SPRR2G: variants seen among roughly 807,000 people sequenced by gnomAD.
The protein encoded by SPRR2G is small proline-rich protein 2G.
SPRR2G carries 1 observed loss-of-function variant against 0.7 expected under a neutral mutation model. The ratio of observed to expected loss-of-function variants is 1.49; its 90% CI spans 0.53 to 7.06. SPRR2G has a LOEUF of 7.06. SPRR2G is among the 30% of genes most tolerant of loss of function. SPRR2G has a pLI of 0.14. For synonymous variants in SPRR2G, 38 were observed against 33.9 expected (o/e 1.12, Z -0.42); for missense variants, 96 against 88.5 (o/e 1.09, Z -0.34).
chr1:153,177,173 C>A, the SPRR2G span, among the ~76,000 whole-genome samples: 1 of 152,104 alleles, frequency 6.6e-6, no homozygotes, highest in Admixed American at 6.6e-5. Flanking sequence ...CAAATTCCTG[C>A]TTTTTTAATA....
chr1:153,188,906 T>C, the SPRR2G span, among the ~76,000 whole-genome samples: 3 of 152,304 alleles, frequency 2.0e-5, no homozygotes, highest in African/African-American at 7.2e-5. Flanking sequence ...CTAGGGACGG[T>C]AGTTCCCCAC....
At chr1:153,163,478 G>A in the SPRR2G span, among the ~76,000 whole-genome samples, 1 of 152,050 alleles carries the variant, frequency 6.6e-6, no homozygotes, top group African/African-American at 2.4e-5. Flanking sequence ...TTGTATTTGG[G>A]GCTCCTATAT....
At chr1:153,154,828 C>G (rs979803891), upstream of SPRR2G, among the ~76,000 whole-genome samples, 3 of 152,120 alleles carry the variant, frequency 2.0e-5, no homozygotes, top group Non-Finnish European at 2.9e-5. Context: ...TCACTAACCC[C>G]TCAACCCATG....
chr1:153,193,519 G>A, the SPRR2G span, among the ~76,000 whole-genome samples: 1 of 152,206 alleles, frequency 6.6e-6, no homozygotes, highest in African/African-American at 2.4e-5. Flanking sequence ...CTAGCCTCTG[G>A]GAGAGGCTCA....
At chr1:153,164,263 G>C in the SPRR2G span, among the ~76,000 whole-genome samples, 1 of 152,284 alleles carries the variant, frequency 6.6e-6, no homozygotes, top group African/African-American at 2.4e-5. Context: ...GTCTCTAACT[G>C]ACTGATAGGC....
At chr1:153,153,486 T>C (rs1656515952), upstream of SPRR2G, among the ~76,000 whole-genome samples, 2 of 152,102 alleles carry the variant, frequency 1.3e-5, no homozygotes, top group South Asian at 4.1e-4. Context: ...ATAAAATAAA[T>C]AGTAAGCCTA....
chr1:153,172,740 G>A, the SPRR2G span, among the ~76,000 whole-genome samples: 3 of 152,200 alleles, frequency 2.0e-5, no homozygotes, highest in Non-Finnish European at 2.9e-5. Flanking sequence ...AAAGGTACAA[G>A]ATTACTTTTT....
chr1:153,158,751 C>A, the SPRR2G span, among the ~76,000 whole-genome samples: 1 of 152,232 alleles, frequency 6.6e-6, no homozygotes, highest in Non-Finnish European at 1.5e-5. Context: ...TGCCTGGACA[C>A]TCAGGCATTT....
chr1:153,167,388 C>A, the SPRR2G span, among the ~76,000 whole-genome samples: 1 of 152,044 alleles, frequency 6.6e-6, no homozygotes, highest in Middle Eastern at 3.2e-3. Context: ...GCAGGAGAAT[C>A]GCTTGAACCT....
chr1:153,177,424 T>G, the SPRR2G span, among the ~76,000 whole-genome samples: 1 of 152,164 alleles, frequency 6.6e-6, no homozygotes, highest in South Asian at 2.1e-4. Flanking sequence ...AACCGCCAAA[T>G]TGTTTTCTGC....
chr1:153,171,124 A>G, the SPRR2G span, among the ~76,000 whole-genome samples: 4 of 152,196 alleles, frequency 2.6e-5, no homozygotes. Context: ...CCTGCCTTAA[A>G]TGCCAGTATG....
chr1:153,184,783 G>A, the SPRR2G span, among the ~76,000 whole-genome samples: 1 of 152,138 alleles, frequency 6.6e-6, no homozygotes, highest in African/African-American at 2.4e-5. Flanking sequence ...GTCTTGTGCA[G>A]GTTTTCAAAG....
the SPRR2G span, among the ~76,000 whole-genome samples, chr1:153,188,238 G>A: frequency 6.6e-6 from 1 of 152,170 alleles, no homozygotes; most frequent in East Asian, 1.9e-4. Flanking sequence ...GCACTGTGCT[G>A]GGAGATCTGC....
chr1:153,167,116 TG>T, the SPRR2G span, among the ~76,000 whole-genome samples: 1 of 152,132 alleles, frequency 6.6e-6, no homozygotes, highest in Admixed American at 6.5e-5. Flanking sequence ...CTAATAACCT[TG>T]GCATGCCATA....
At chr1:153,159,942 T>TAC in the SPRR2G span, among the ~76,000 whole-genome samples, 2 of 152,210 alleles carry the variant, frequency 1.3e-5, no homozygotes, top group South Asian at 2.1e-4. Flanking sequence ...TTTGGGTGGG[T>TAC]ACACAGAGCC....
the SPRR2G span, among the ~76,000 whole-genome samples, chr1:153,175,628 C>T: frequency 4.6e-5 from 7 of 152,188 alleles, no homozygotes; most frequent in Non-Finnish European, 5.9e-5. Context: ...TAAATCTGAA[C>T]AACTCCTTCA....
chr1:153,164,739 C>A, the SPRR2G span, among the ~76,000 whole-genome samples: 1 of 152,202 alleles, frequency 6.6e-6, no homozygotes, highest in Admixed American at 6.5e-5. Flanking sequence ...CTGCACACTG[C>A]AAATTCAAGT....
chr1:153,199,389 C>T, the SPRR2G span, among the ~76,000 whole-genome samples: 1 of 152,222 alleles, frequency 6.6e-6, no homozygotes, highest in African/African-American at 2.4e-5. Context: ...CTGTGGCCAA[C>T]ACCCAGCCAG....
chr1:153,191,783 C>T, the SPRR2G span: 1 of 152,216 alleles, frequency 6.6e-6, no homozygotes, highest in Non-Finnish European at 1.5e-5. Flanking sequence ...CAGAGCACAA[C>T]ACACCACAGT....
Sources: allele counts gnomAD v4.1 joint callset (sites outside exome capture counted in the v4.1 genomes callset), GRCh38; gene constraint gnomAD v4.1.1; transcripts MANE v1.5; gene names NCBI Gene and HGNC (gene_info 2026-07-23, HGNC 2026-07-21).